RNF121: variants seen among roughly 807,000 people sequenced by gnomAD.
RNF121 encodes the protein E3 ubiquitin ligase RNF121.
In RNF121, 21 loss-of-function variants were observed where a neutral mutation model predicts 46.5. The observed-to-expected ratio is 0.45, with a 90% confidence interval of 0.32 to 0.65. The LOEUF (loss-of-function observed/expected upper bound fraction) is 0.65. Ranked by LOEUF, RNF121 falls within the 30% of genes least tolerant of loss-of-function variation. The pLI is 0.04. For synonymous variants in RNF121, 139 were observed against 144.7 expected (o/e 0.96, Z 0.28); for missense variants, 346 against 416.0 (o/e 0.83, Z 1.46).
chr11:71,968,810 C>G (rs923746565), intron 3 of RNF121, among the ~76,000 whole-genome samples: 1 of 151,670 alleles, frequency 6.6e-6, no homozygotes, highest in Non-Finnish European at 1.5e-5. Flanking sequence ...TCCCTATGAT[C>G]TGGGAGTTTA....
At position 71,934,938 on chromosome 11, in the gene RNF121, A is replaced by AC. The variant is rs780793577; in HGVS notation, c.63+5814_63+5815insC. Reference sequence around the variant, plus strand: ...GTCCTGTGCCAAGTGTTCCAAATGCATTCTTTTTTTTTTTTTTTTTTTTTA... The same window carrying AC: ...GTCCTGTGCCAAGTGTTCCAAATGCACTTCTTTTTTTTTTTTTTTTTTTTTA... On this transcript the variant is annotated intron_variant, in intron 1 of 8. Transcript: ENST00000361756. Among the ~76,000 whole-genome samples, 41 of 145,092 alleles carry AC rather than the reference A, an allele frequency of 2.8e-4. 11 individuals are homozygous for AC. The highest frequency in any genetic ancestry group is 3.1e-4 in the Non-Finnish European group (21 of 67,040).
intron 1 of RNF121, among the ~76,000 whole-genome samples, chr11:71,949,040 A>T (rs1356979197): frequency 6.6e-6 from 1 of 152,184 alleles, no homozygotes; most frequent in Non-Finnish European, 1.5e-5. Context: ...TTTTATATTT[A>T]ATAGTCTGTC....
intron 1 of RNF121, among the ~76,000 whole-genome samples, chr11:71,952,109 A>G (rs1184699798): frequency 6.6e-6 from 1 of 152,232 alleles, no homozygotes. Flanking sequence ...ATAACGTGGT[A>G]TTTATACGAT....
intron 3 of RNF121, among the ~76,000 whole-genome samples, chr11:71,981,727 C>T (rs1037545197): frequency 6.6e-6 from 1 of 152,134 alleles, no homozygotes; most frequent in Non-Finnish European, 1.5e-5. Flanking sequence ...CAGAAATGTG[C>T]CTCTCTCTGA....
intron 1 of RNF121, among the ~76,000 whole-genome samples, chr11:71,931,278 G>A (rs1953272161): frequency 6.6e-6 from 1 of 152,160 alleles, no homozygotes; most frequent in South Asian, 2.1e-4. Context: ...GAAACCACTA[G>A]CATTCATTCC....
At chr11:71,942,225 G>T (rs775231658) in intron 1 of RNF121, among the ~76,000 whole-genome samples, 1 of 151,956 alleles carries the variant, frequency 6.6e-6, no homozygotes, top group African/African-American at 2.4e-5. Flanking sequence ...GAACCACCGT[G>T]CCCGGCAATG....
chr11:71,989,206 G>A (rs776196761), intron 5 of RNF121, among the ~76,000 whole-genome samples: 7 of 152,024 alleles, frequency 4.6e-5, no homozygotes, highest in Non-Finnish European at 8.8e-5. Flanking sequence ...TCAGCCTCCT[G>A]AATAGCTGGG....
intron 6 of RNF121, among the ~76,000 whole-genome samples, chr11:71,991,961 A>G (rs189653266): frequency 9.4e-4 from 143 of 152,068 alleles, no homozygotes; most frequent in African/African-American, 3.3e-3. Flanking sequence ...AGACAAAAAA[A>G]AAAAAAACCT....
chr11:71,989,527 A>G (rs1189002415), intron 5 of RNF121, among the ~76,000 whole-genome samples: 1 of 152,212 alleles, frequency 6.6e-6, no homozygotes, highest in African/African-American at 2.4e-5. Flanking sequence ...AATGATTTCT[A>G]GTGAGTTAAA....
chr11:71,961,866 G>A (rs1371841948), intron 3 of RNF121, among the ~76,000 whole-genome samples: 1 of 152,152 alleles, frequency 6.6e-6, no homozygotes, highest in Non-Finnish European at 1.5e-5. Context: ...CTTGAGCCAG[G>A]GGATTCAGTA....
At chr11:71,969,802 A>T (rs1035384655) in intron 3 of RNF121, among the ~76,000 whole-genome samples, 1 of 152,124 alleles carries the variant, frequency 6.6e-6, no homozygotes, top group East Asian at 1.9e-4. Context: ...ACTGGGCTCA[A>T]GCAGTCCTCC....
chr11:71,972,925 G>A (rs1052190628), intron 3 of RNF121, among the ~76,000 whole-genome samples: 2 of 152,142 alleles, frequency 1.3e-5, no homozygotes, highest in Non-Finnish European at 1.5e-5. Context: ...GGTGGCTCAT[G>A]CCTATAATCC....
intron 4 of RNF121, among the ~76,000 whole-genome samples, chr11:71,985,652 C>T (rs942541024): frequency 3.9e-5 from 6 of 152,184 alleles, no homozygotes; most frequent in African/African-American, 1.2e-4. Flanking sequence ...TAGGGTTCAG[C>T]AGGGTTGGTA....
At chr11:71,932,294 A>C (rs143936937) in intron 1 of RNF121, among the ~76,000 whole-genome samples, 438 of 152,362 alleles carry the variant, frequency 2.9e-3, no homozygotes, top group African/African-American at 9.9e-3. Flanking sequence ...AATTAGATGG[A>C]GTTAACCCCA....
chr11:71,976,974 G>A (rs1415115793), intron 3 of RNF121, among the ~76,000 whole-genome samples: 6 of 151,962 alleles, frequency 3.9e-5, no homozygotes, highest in Non-Finnish European at 7.4e-5. Flanking sequence ...CACAAGCTTT[G>A]TGCTGTCCAC....
chr11:71,933,032 A>G lies in RNF121; in HGVS notation c.63+3908A>G, dbSNP rs1448745915. On this transcript the variant is annotated intron_variant, in intron 1 of 8. Transcript: ENST00000361756. ...TCTGTCTCTCAGCCTGCCAAAGTAC[A>G]GCATGCTTGAGATGCTAGTAGGATA... 2.0e-5 allele frequency among the ~76,000 whole-genome samples: 3 copies of G among 152,188 alleles called. 1 individual carries two copies. The highest frequency in any genetic ancestry group is 7.2e-5 in the African/African-American group (3 of 41,448).
intron 1 of RNF121, among the ~76,000 whole-genome samples, chr11:71,932,258 C>T (rs1953292052): frequency 6.6e-6 from 1 of 152,220 alleles, no homozygotes; most frequent in Non-Finnish European, 1.5e-5. Context: ...TGCATCATCT[C>T]ATTTATTATT....
At chr11:71,940,035 A>AG (rs747113117) in intron 1 of RNF121, among the ~76,000 whole-genome samples, 12 of 152,348 alleles carry the variant, frequency 7.9e-5, no homozygotes, top group Non-Finnish European at 1.6e-4. Context: ...TATGGCATTT[A>AG]GGCTGATTCT....
chr11:71,969,136 C>G (rs188107954), intron 3 of RNF121, among the ~76,000 whole-genome samples: 373 of 152,166 alleles, frequency 2.5e-3, no homozygotes, highest in Middle Eastern at 0.01. Context: ...ATCCACCTGC[C>G]TCGGCCTCCC....
Sources: allele counts gnomAD v4.1 joint callset (sites outside exome capture counted in the v4.1 genomes callset), GRCh38; gene constraint gnomAD v4.1.1; transcripts MANE v1.5; gene names NCBI Gene and HGNC (gene_info 2026-07-23, HGNC 2026-07-21).